The following ARSB variants were observed in gnomAD, a reference collection of about 807,000 sequenced individuals.
ARSB encodes the protein N-acetylgalactosamine-4-sulfatase.
In ARSB, 41 loss-of-function variants were observed where a neutral mutation model predicts 50.9. That is an observed-to-expected ratio of 0.81 (90% CI 0.63 to 1.04). The LOEUF (loss-of-function observed/expected upper bound fraction) is 1.04. ARSB is among the 50% of genes least tolerant of loss of function. The pLI is 0.00. For missense variants in ARSB, 672 were observed against 693.3 expected, an observed-to-expected ratio of 0.97 and a Z score of 0.35; for synonymous variants, 269 against 284.8, an observed-to-expected ratio of 0.94 and a Z score of 0.56.
chr5:78,897,934 T>C (rs1305008067), intron 4 of ARSB, among the ~76,000 whole-genome samples: 1 of 152,098 alleles, frequency 6.6e-6, no homozygotes, highest in Non-Finnish European at 1.5e-5. Flanking sequence ...ATAACGTACA[T>C]GCCCTATACC....
Position 78,798,715 on chromosome 5 carries a change from C to T in ARSB, c.1214-16741G>A, listed in dbSNP as rs369238667. On this transcript the variant is annotated intron_variant, in intron 6 of 7. Coordinates refer to ENST00000264914, the MANE Select transcript of ARSB (RefSeq NM_000046.5). ...AAAAGGGCCCTGCCCACGGAATCAG[C>T]CTTTTAATGGCTGTCAGGTGGGCCT... is the stretch of plus-strand genomic sequence containing the variant. Among the ~76,000 whole-genome samples the T allele has an allele frequency of 1.2e-4, 18 of 152,312 alleles. No homozygotes were observed. In the East Asian group the frequency reaches 1.9e-3, roughly 16 times the overall value.
At chr5:78,879,151 G>A (rs1281627628) in intron 5 of ARSB, among the ~76,000 whole-genome samples, 1 of 152,210 alleles carries the variant, frequency 6.6e-6, no homozygotes, top group African/African-American at 2.4e-5. Context: ...ACCACGCCTA[G>A]TCTGCTTATG....
At chr5:78,927,741 AGAG>A (rs1308082025) in intron 4 of ARSB, among the ~76,000 whole-genome samples, 2 of 152,198 alleles carry the variant, frequency 1.3e-5, no homozygotes, top group East Asian at 3.9e-4. Context: ...GCTTTGAACC[AGAG>A]GAGTTTGCCT....
intron 6 of ARSB, among the ~76,000 whole-genome samples, chr5:78,838,457 G>C (rs951107144): frequency 2.0e-5 from 3 of 152,208 alleles, no homozygotes; most frequent in African/African-American, 7.2e-5. Context: ...GAATGACTGT[G>C]GGGTAATTCT....
chr5:78,792,658 C>T (rs576680566), intron 6 of ARSB, among the ~76,000 whole-genome samples: 3 of 152,240 alleles, frequency 2.0e-5, no homozygotes, highest in African/African-American at 2.4e-5. Flanking sequence ...AGATTCTACA[C>T]GTAGTGAGCA....
intron 4 of ARSB, among the ~76,000 whole-genome samples, chr5:78,905,344 G>GTTTTTTGTT (rs1554081216): frequency 2.0e-4 from 26 of 130,554 alleles, no homozygotes; most frequent in Admixed American, 1.7e-3. Flanking sequence ...GTATTTTCCT[G>GTTTTTTGTT]TTTTTTTTTT....
At chr5:78,922,629 G>A (rs1051449371) in intron 4 of ARSB, among the ~76,000 whole-genome samples, 5 of 151,338 alleles carry the variant, frequency 3.3e-5, no homozygotes, top group Admixed American at 2.6e-4. Context: ...ATTCCCAGCT[G>A]TGGTGCCTAT....
intron 6 of ARSB, among the ~76,000 whole-genome samples, chr5:78,787,105 T>A (rs924844541): frequency 2.6e-5 from 4 of 151,152 alleles, no homozygotes; most frequent in African/African-American, 9.7e-5. Context: ...TATCTATCTA[T>A]CTATCTATCT....
At chr5:78,947,906 G>A (rs1303205836) in intron 4 of ARSB, among the ~76,000 whole-genome samples, 2 of 152,134 alleles carry the variant, frequency 1.3e-5, no homozygotes, top group Non-Finnish European at 2.9e-5. Flanking sequence ...CAGATGCATG[G>A]ATAAAGAAAA....
intron 3 of ARSB, among the ~76,000 whole-genome samples, chr5:78,956,138 GA>G (rs1397897549): frequency 6.6e-6 from 1 of 152,142 alleles, no homozygotes; most frequent in Non-Finnish European, 1.5e-5. Context: ...TCTATCAATT[GA>G]TGAATGGATA....
Position 78,861,785 on chromosome 5 carries a change from A to G in ARSB, c.1143-22359T>C, listed in dbSNP as rs1031135924. Among the ~76,000 whole-genome samples the G allele has an allele frequency of 2.6e-5, 4 of 152,324 alleles. No individual in the cohort carries two copies. In the South Asian group the frequency reaches 8.3e-4, roughly 32 times the overall value. On this transcript the variant is annotated intron_variant, in intron 5 of 7. Transcript: ENST00000264914. Reference sequence around the variant, plus strand: ...CAGGGCAATCAGGCAAGAGAAAGAAATAAAGGGCATTCAATTAGGAAAAGA... The same window carrying G: ...CAGGGCAATCAGGCAAGAGAAAGAAGTAAAGGGCATTCAATTAGGAAAAGA...
chr5:78,853,724 T>C (rs1227012236), intron 5 of ARSB, among the ~76,000 whole-genome samples: 2 of 152,260 alleles, frequency 1.3e-5, no homozygotes, highest in African/African-American at 4.8e-5. Flanking sequence ...AGTTTGAGCT[T>C]CCTGGCTGCT....
In ARSB at chr5:78,919,353, T is replaced by C. The variant is rs565753299; in HGVS notation, c.899-33526A>G. On this transcript the variant is annotated intron_variant, in intron 4 of 7. Coordinates refer to ENST00000264914, the MANE Select transcript of ARSB (RefSeq NM_000046.5). ...GCCAGTGCCAGTAGCTAGCCTGGGA[T>C]TGGACTTCAGGCAGAGTTCATGTAT... 1.1e-4 allele frequency among the ~76,000 whole-genome samples: 17 copies of C among 152,332 alleles called. No homozygotes were observed. The South Asian group carries it at 2.7e-3, about 24-fold the overall frequency.
intron 2 of ARSB, among the ~76,000 whole-genome samples, chr5:78,968,625 A>G (rs1752314740): frequency 6.6e-6 from 1 of 152,160 alleles, no homozygotes; most frequent in Non-Finnish European, 1.5e-5. Context: ...CTGGGATTAC[A>G]GGCGTGAGCC....
chr5:78,969,762 G>T (rs923664140), intron 1 of ARSB, among the ~76,000 whole-genome samples: 1 of 151,938 alleles, frequency 6.6e-6, no homozygotes, highest in Non-Finnish European at 1.5e-5. Context: ...GATTACAGGC[G>T]CCCACCACCA....
intron 6 of ARSB, among the ~76,000 whole-genome samples, chr5:78,827,846 A>T (rs1744502216): frequency 6.6e-6 from 1 of 151,768 alleles, no homozygotes; most frequent in Non-Finnish European, 1.5e-5. Flanking sequence ...CTACAAATAA[A>T]CTTCCACAAT....
At chr5:78,803,560 G>C (rs1743468496) in intron 6 of ARSB, among the ~76,000 whole-genome samples, 1 of 152,162 alleles carries the variant, frequency 6.6e-6, no homozygotes, top group African/African-American at 2.4e-5. Flanking sequence ...TGGTCCACTG[G>C]GGCCTGCACC....
At chr5:78,855,330 G>C (rs756674624) in intron 5 of ARSB, among the ~76,000 whole-genome samples, 1 of 152,196 alleles carries the variant, frequency 6.6e-6, no homozygotes, top group Non-Finnish European at 1.5e-5. Flanking sequence ...CATTGGAGGG[G>C]CATGATTTCT....
intron 5 of ARSB, among the ~76,000 whole-genome samples, chr5:78,863,675 G>T (rs896067661): frequency 6.6e-6 from 1 of 152,072 alleles, no homozygotes; most frequent in Non-Finnish European, 1.5e-5. Context: ...GTTAATGGGT[G>T]CAGGACACCA....
Sources: allele counts gnomAD v4.1 joint callset (sites outside exome capture counted in the v4.1 genomes callset), GRCh38; gene constraint gnomAD v4.1.1; transcripts MANE v1.5; gene names NCBI Gene and HGNC (gene_info 2026-07-23, HGNC 2026-07-21).